Variants in NRG1 observed in about 807,000 individuals in gnomAD.
NRG1 encodes the protein neuregulin 1.
Under a neutral mutation model 63.8 loss-of-function variants are expected in NRG1, and 18 were observed. The observed-to-expected ratio is 0.28, with a 90% CI of 0.19 to 0.42. The LOEUF (loss-of-function observed/expected upper bound fraction) is 0.42. Among genes scored for constraint, NRG1 ranks in the 10% least tolerant of loss-of-function variants. The pLI, the probability that NRG1 is intolerant of heterozygous loss-of-function variation, is 1.00. For synonymous variants in NRG1, 302 were observed against 301.3 expected, an observed-to-expected ratio of 1.00 and a Z score of -0.02; for missense variants, 762 against 814.7, an observed-to-expected ratio of 0.94 and a Z score of 0.79.
chr8:31,729,209 G>A (rs1016247820), intron 1 of NRG1, among the ~76,000 whole-genome samples: 4 of 149,926 alleles, frequency 2.7e-5, no homozygotes, highest in Admixed American at 2.0e-4. Context: ...GGCAAGACTT[G>A]GAGGTGGGAT....
chr8:31,698,395 T>C (rs73239823), intron 1 of NRG1, among the ~76,000 whole-genome samples: 35,999 of 152,102 alleles, frequency 0.24, 4,466 homozygotes, highest in Admixed American at 0.28. Flanking sequence ...AGCAAGGCTA[T>C]GTCCTTTCAC....
At chr8:32,072,575 G>A (rs1308903100) in intron 1 of NRG1, among the ~76,000 whole-genome samples, 2 of 152,068 alleles carry the variant, frequency 1.3e-5, no homozygotes, top group African/African-American at 2.4e-5. Context: ...CAAAGGATTA[G>A]CATTAAATTC....
intron 1 of NRG1, among the ~76,000 whole-genome samples, chr8:31,940,856 T>C (rs1448384958): frequency 1.3e-5 from 2 of 151,980 alleles, no homozygotes; most frequent in African/African-American, 4.8e-5. Flanking sequence ...CAGGAAGATA[T>C]AGAACCTCTC....
At chr8:32,049,153 G>A (rs923980696) in intron 1 of NRG1, among the ~76,000 whole-genome samples, 1 of 152,100 alleles carries the variant, frequency 6.6e-6, no homozygotes, top group African/African-American at 2.4e-5. Context: ...CAAAATATTT[G>A]CTCAGCTTTG....
intron 5 of NRG1, among the ~76,000 whole-genome samples, chr8:32,625,231 G>A (rs1849008042): frequency 6.7e-6 from 1 of 149,150 alleles, no homozygotes; most frequent in Admixed American, 6.7e-5. Flanking sequence ...ATCATCAAAA[G>A]TGTTGGAATG....
chr8:32,598,034 T>C (rs1055681483), intron 2 of NRG1, among the ~76,000 whole-genome samples: 5 of 152,178 alleles, frequency 3.3e-5, no homozygotes, highest in African/African-American at 9.6e-5. Context: ...TCTCATTTAT[T>C]TCTACGTGGC....
intron 1 of NRG1, among the ~76,000 whole-genome samples, chr8:32,353,685 G>A (rs1006578681): frequency 6.6e-6 from 1 of 152,186 alleles, no homozygotes; most frequent in African/African-American, 2.4e-5. Context: ...TGGCAGGAAT[G>A]TGGAGGAACT....
intron 1 of NRG1, among the ~76,000 whole-genome samples, chr8:32,502,511 G>T (rs1827985623): frequency 6.8e-6 from 1 of 147,922 alleles, no homozygotes; most frequent in African/African-American, 2.5e-5. Context: ...AGCCAGCGTG[G>T]CCACACAATG....
chr8:32,727,798 T>C (rs1822582218), intron 5 of NRG1, 151 bp from the exon 6 acceptor site: 1 of 641,968 alleles, frequency 1.6e-6, no homozygotes, highest in Admixed American at 3.2e-5. Flanking sequence ...ACAAACAGCT[T>C]AACTTCTCTG....
At chr8:32,593,928 T>C (rs1842933548) in intron 1 of NRG1, among the ~76,000 whole-genome samples, 1 of 151,458 alleles carries the variant, frequency 6.6e-6, no homozygotes, top group Non-Finnish European at 1.5e-5. Context: ...AAACATGTTT[T>C]CTAATTTGCC....
At chr8:32,038,710 C>A (rs1819464208) in intron 1 of NRG1, among the ~76,000 whole-genome samples, 1 of 151,936 alleles carries the variant, frequency 6.6e-6, no homozygotes, top group African/African-American at 2.4e-5. Context: ...AATTTGGGAG[C>A]ACGTATTGCT....
chr8:32,245,154 C>A (rs999951130), intron 1 of NRG1, among the ~76,000 whole-genome samples: 1 of 152,060 alleles, frequency 6.6e-6, no homozygotes, highest in Non-Finnish European at 1.5e-5. Context: ...GTGGTGAGTT[C>A]TTCAAAGTTT....
chr8:31,923,772 C>A lies in NRG1; in HGVS notation c.37+284341C>A, dbSNP rs1432971858. Among the ~76,000 whole-genome samples the A allele has an allele frequency of 3.3e-5, 5 of 151,734 alleles. No homozygotes were observed. The East Asian group carries it at 9.7e-4, about 29-fold the overall frequency. On this transcript the variant is annotated intron_variant, in intron 1 of 10. Coordinates refer to the NRG1 transcript ENST00000519301. ...AGTTTTGCTACACTGATGTATTTTG[C>A]ATTATGGTGAAGGCAGGGCCTTCAG...
intron 1 of NRG1, among the ~76,000 whole-genome samples, chr8:31,647,640 G>A (rs183244917): frequency 6.6e-6 from 1 of 152,268 alleles, no homozygotes; most frequent in East Asian, 1.9e-4. Flanking sequence ...GGATGGAGAG[G>A]TTCTGCTCAG....
intron 1 of NRG1, among the ~76,000 whole-genome samples, chr8:31,763,711 G>A (rs1332654437): frequency 6.6e-6 from 1 of 152,228 alleles, no homozygotes; most frequent in Non-Finnish European, 1.5e-5. Flanking sequence ...AGCACCTTGG[G>A]AGGCCGAGGC....
Position 31,639,608 on chromosome 8 carries a change from C to T in NRG1, c.37+177C>T. ...CAAAGGACTGTCACCCGCGGAGCAG[C>T]TCCTCCACCTCCACGTCCTCCTCCG... On this transcript the variant is annotated intron_variant, in intron 1 of 10. Coordinates refer to the NRG1 transcript ENST00000519301. The T allele has an allele frequency of 9.3e-6, 13 of 1,402,598 alleles. 1 individual carries two copies. The South Asian group carries it at 1.9e-4, about 21-fold the overall frequency. The allele number at this position is 1,402,598 out of a possible 1,614,324, so 86.9% of individuals were successfully genotyped here.
chr8:31,866,982 A>G (rs1829016520), intron 1 of NRG1, among the ~76,000 whole-genome samples: 1 of 152,178 alleles, frequency 6.6e-6, no homozygotes, highest in Non-Finnish European at 1.5e-5. Flanking sequence ...TAAAATAGAT[A>G]TAACAATTTT....
intron 7 of NRG1, among the ~76,000 whole-genome samples, chr8:32,753,591 G>A (rs1335876971): frequency 6.6e-6 from 1 of 152,082 alleles, no homozygotes; most frequent in Non-Finnish European, 1.5e-5. Context: ...ACAATTGGTG[G>A]AGTAGTTAGA....
intron 1 of NRG1, among the ~76,000 whole-genome samples, chr8:31,971,390 T>A (rs1262134454): frequency 6.6e-6 from 1 of 152,188 alleles, no homozygotes; most frequent in Non-Finnish European, 1.5e-5. Context: ...ATTTTGTGTT[T>A]AGGTCTCCCG....
Sources: allele counts gnomAD v4.1 joint callset (sites outside exome capture counted in the v4.1 genomes callset), GRCh38; gene constraint gnomAD v4.1.1; transcripts MANE v1.5; gene names NCBI Gene and HGNC (gene_info 2026-07-23, HGNC 2026-07-21).